The following LRMDA variants were observed in gnomAD, a reference collection of about 807,000 sequenced individuals.
LRMDA encodes the protein leucine rich melanocyte differentiation associated, also known as leucine-rich melanocyte differentiation-associated protein.
A neutral mutation model predicts 29.8 loss-of-function variants in LRMDA; 18 were observed. That is an observed-to-expected ratio of 0.60 (90% CI 0.42 to 0.90). The LOEUF is 0.90. Among genes scored for constraint, LRMDA ranks in the 40% least tolerant of loss-of-function variants. LRMDA has a pLI of 0.00. For synonymous variants in LRMDA, 125 were observed against 109.4 expected (o/e 1.14, Z -0.89); for missense variants, 273 against 273.9 (o/e 1.00, Z 0.02).
intron 2 of LRMDA, among the ~76,000 whole-genome samples, chr10:75,865,616 T>G (rs1387149847): frequency 6.6e-6 from 1 of 152,160 alleles, no homozygotes; most frequent in Non-Finnish European, 1.5e-5. Flanking sequence ...TAGAAAAAAT[T>G]TGTTTGTCAG....
chr10:75,505,459 CA>C (rs1328790492), intron 2 of LRMDA, among the ~76,000 whole-genome samples: 3 of 152,168 alleles, frequency 2.0e-5, no homozygotes, highest in Non-Finnish European at 2.9e-5. Context: ...ATCTCTACCA[CA>C]GTGGCACAGT....
At chr10:76,502,295 G>A (rs375542945) in intron 6 of LRMDA, among the ~76,000 whole-genome samples, 1 of 151,776 alleles carries the variant, frequency 6.6e-6, no homozygotes, top group South Asian at 2.1e-4. Context: ...TGGTAGTGTG[G>A]TGCCTCCAGT....
At chr10:76,324,569 T>C in intron 6 of LRMDA, 84 bp downstream of exon 6, 1 of 1,208,892 alleles carries the variant, frequency 8.3e-7, no homozygotes, top group South Asian at 1.2e-5. Flanking sequence ...TACTGCTGCC[T>C]CGGCACTTTA....
chr10:75,745,647 A>C (rs1210111481), intron 2 of LRMDA, among the ~76,000 whole-genome samples: 1 of 152,206 alleles, frequency 6.6e-6, no homozygotes, highest in Admixed American at 6.5e-5. Flanking sequence ...TTAAGAAAAC[A>C]TTGGAACAAT....
intron 2 of LRMDA, among the ~76,000 whole-genome samples, chr10:76,006,792 A>G (rs1847670524): frequency 6.6e-6 from 1 of 152,160 alleles, no homozygotes; most frequent in African/African-American, 2.4e-5. Flanking sequence ...ATAATAAACT[A>G]GGCTTCTTTT....
intron 6 of LRMDA, among the ~76,000 whole-genome samples, chr10:76,536,340 T>C (rs1348208629): frequency 6.6e-6 from 1 of 152,200 alleles, no homozygotes; most frequent in Non-Finnish European, 1.5e-5. Context: ...AGTTTATACT[T>C]TGCATTTGAT....
chr10:76,404,907 A>G (rs1282562690), intron 6 of LRMDA, among the ~76,000 whole-genome samples: 6 of 152,214 alleles, frequency 3.9e-5, no homozygotes, highest in Non-Finnish European at 8.8e-5. Flanking sequence ...CAACAGAAAT[A>G]GAAGTTGGAG....
chr10:75,726,730 A>C (rs1259145472), intron 2 of LRMDA, among the ~76,000 whole-genome samples: 4 of 152,210 alleles, frequency 2.6e-5, no homozygotes, highest in African/African-American at 9.6e-5. Flanking sequence ...CACAGAATGC[A>C]AGCCCTCATA....
chr10:76,398,821 G>A (rs894790676), intron 6 of LRMDA, among the ~76,000 whole-genome samples: 1 of 152,182 alleles, frequency 6.6e-6, no homozygotes, highest in South Asian at 2.1e-4. Flanking sequence ...GGTTTCTCTT[G>A]GGAGGCCAGG....
Position 75,750,401 on chromosome 10 carries a change from G to C in LRMDA, c.132-285607G>C, listed in dbSNP as rs537445153. On this transcript the variant is annotated intron_variant, in intron 2 of 6. Coordinates refer to ENST00000611255, the MANE Select transcript of LRMDA (RefSeq NM_001305581.2). ...GAGACGCTCCTCACCTCCCAGACGG[G>C]GTGGCGGTCAGGCAGAGACACTCCT... is the stretch of plus-strand genomic sequence containing the variant. Among the ~76,000 whole-genome samples the C allele has an allele frequency of 2.8e-3, 423 of 151,260 alleles. 1 individual carries two copies. Among genetic ancestry groups the C allele is most frequent in the African/African-American group, 9.9e-3 (408 of 41,210 alleles).
At chr10:76,382,371 C>A (rs1841603209) in intron 6 of LRMDA, among the ~76,000 whole-genome samples, 1 of 152,140 alleles carries the variant, frequency 6.6e-6, no homozygotes, top group African/African-American at 2.4e-5. Flanking sequence ...GATGATTTTC[C>A]ACCAACAACA....
chr10:76,483,748 A>G (rs1185114091), intron 6 of LRMDA, among the ~76,000 whole-genome samples: 1 of 151,420 alleles, frequency 6.6e-6, no homozygotes, highest in African/African-American at 2.4e-5. Flanking sequence ...AAGCAAATGT[A>G]CAGACTACCA....
chr10:76,542,389 A>G (rs1469106792), intron 6 of LRMDA, among the ~76,000 whole-genome samples: 1 of 152,114 alleles, frequency 6.6e-6, no homozygotes, highest in Non-Finnish European at 1.5e-5. Context: ...TGCACATCAT[A>G]TATTTCTTAA....
At chr10:76,402,814 C>T (rs192732278) in intron 6 of LRMDA, among the ~76,000 whole-genome samples, 2 of 152,246 alleles carry the variant, frequency 1.3e-5, no homozygotes, top group Non-Finnish European at 2.9e-5. Flanking sequence ...AATTTAATTC[C>T]TTTTTCTTTG....
chr10:75,618,382 CTATATATATATA>C lies in LRMDA; in HGVS notation c.131+179902_131+179913del, dbSNP rs71477026. ...TCTCTCTCTCTCTCTCTCTCTCTCTCTATATATATATATATATATATATATCAGACTATATAT... is the reference window on the plus strand; with the variant it reads ...TCTCTCTCTCTCTCTCTCTCTCTCTCTATATATATATATCAGACTATATAT... On this transcript the variant is annotated intron_variant, in intron 2 of 6. Transcript: ENST00000611255. 3.4e-4 allele frequency among the ~76,000 whole-genome samples: 26 copies of C among 77,036 alleles called. No homozygotes were observed. In the East Asian group the frequency reaches 4.8e-3, roughly 14 times the overall value. 50.5% of individuals were successfully genotyped at this position (77,036 alleles called of 152,430 possible).
intron 2 of LRMDA, among the ~76,000 whole-genome samples, chr10:75,932,561 A>G (rs950567861): frequency 2.6e-5 from 4 of 152,120 alleles, no homozygotes; most frequent in Non-Finnish European, 4.4e-5. Flanking sequence ...GCAGTGAGCT[A>G]TGATTGTGTT....
intron 5 of LRMDA, among the ~76,000 whole-genome samples, chr10:76,083,666 TA>T (rs1038739583): frequency 6.6e-6 from 1 of 151,882 alleles, no homozygotes; most frequent in African/African-American, 2.4e-5. Flanking sequence ...CCGTCTCTAC[TA>T]AAAAAACAAA....
At chr10:76,360,347 G>C (rs1338854309) in intron 6 of LRMDA, among the ~76,000 whole-genome samples, 1 of 152,032 alleles carries the variant, frequency 6.6e-6, no homozygotes, top group East Asian at 1.9e-4. Context: ...CCTATGAATG[G>C]GTACCTGAGG....
intron 6 of LRMDA, among the ~76,000 whole-genome samples, chr10:76,509,360 G>C (rs1409959535): frequency 1.3e-5 from 2 of 152,098 alleles, no homozygotes; most frequent in African/African-American, 2.4e-5. Flanking sequence ...GGGAGAACAG[G>C]CGTGACTCTA....
Sources: gnomAD v4.1 joint callset for allele counts (sites outside exome capture counted in the v4.1 genomes callset) on GRCh38, gnomAD v4.1.1 for gene constraint, MANE v1.5 for transcripts, NCBI Gene and HGNC (gene_info 2026-07-23, HGNC 2026-07-21) for gene names.